ATF7: variants seen among roughly 807,000 people sequenced by gnomAD.
The protein encoded by ATF7 is cyclic AMP-dependent transcription factor ATF-7.
Under a neutral mutation model 50.4 loss-of-function variants are expected in ATF7, and 10 were observed. The ratio of observed to expected loss-of-function variants is 0.20; its 90% CI spans 0.12 to 0.34. The LOEUF (loss-of-function observed/expected upper bound fraction) is 0.34. Among genes scored for constraint, ATF7 ranks in the 10% least tolerant of loss-of-function variants. ATF7 has a pLI of 1.00. For missense variants in ATF7, 465 were observed against 613.9 expected, an observed-to-expected ratio of 0.76 and a Z score of 2.56; for synonymous variants, 201 against 226.4, an observed-to-expected ratio of 0.89 and a Z score of 1.01.
chr12:53,514,031 T>G lies in ATF7; in HGVS notation c.*3106A>C, dbSNP rs187878830. The G allele has an allele frequency of 1.3e-5, 2 of 152,272 alleles. No homozygotes were observed. Among genetic ancestry groups the G allele is most frequent in the East Asian group, 3.9e-4 (2 of 5,188 alleles). The allele number at this position is 152,272 out of a possible 1,614,324, so 9.4% of individuals were successfully genotyped here. On this transcript the variant is annotated 3_prime_UTR_variant, in exon 12 of 12. Transcript: ENST00000420353. The stretch of plus-strand genomic sequence containing the variant: ...AAGGCTAAGGAAGTCAGATTTGAGA[T>G]GCATAACCAGCAGCAAAAGAGTAAG...
intron 1 of ATF7, among the ~76,000 whole-genome samples, chr12:53,620,744 G>A (rs1944347613): frequency 6.7e-6 from 1 of 149,710 alleles, no homozygotes. Context: ...GCGAGACTTC[G>A]TCTCAAAAAA....
At chr12:53,525,324 G>A (rs1938381627) in intron 9 of ATF7, among the ~76,000 whole-genome samples, 1 of 152,194 alleles carries the variant, frequency 6.6e-6, no homozygotes, top group African/African-American at 2.4e-5. Flanking sequence ...TTGCACTCCA[G>A]CCTGGGCAAC....
intron 2 of ATF7, among the ~76,000 whole-genome samples, chr12:53,597,686 G>C (rs1943225049): frequency 1.3e-5 from 2 of 151,982 alleles, no homozygotes; most frequent in South Asian, 4.2e-4. Flanking sequence ...GCGGGTGCCT[G>C]TAGTCCCAGC....
chr12:53,559,722 A>G (rs372488909), intron 2 of ATF7, among the ~76,000 whole-genome samples: 1 of 151,682 alleles, frequency 6.6e-6, no homozygotes, highest in Non-Finnish European at 1.5e-5. Context: ...GTACATCTCA[A>G]TGAATTTTTA....
intron 3 of ATF7, 107 bp from the exon 4 acceptor site, chr12:53,543,555 G>A: frequency 7.9e-7 from 1 of 1,264,472 alleles, no homozygotes; most frequent in South Asian, 1.6e-5. Context: ...TTTGGAGAGA[G>A]AGTCTTTGTG....
intron 6 of ATF7, 72 bp from the exon 7 acceptor site, chr12:53,533,331 G>A (rs912361543): frequency 2.8e-5 from 37 of 1,326,572 alleles, no homozygotes; most frequent in Admixed American, 9.3e-5. Context: ...TATAATTACA[G>A]AAGATTTTCC....
chr12:53,599,610 GC>G (rs1375774525), intron 2 of ATF7, among the ~76,000 whole-genome samples: 1 of 152,002 alleles, frequency 6.6e-6, no homozygotes, highest in Non-Finnish European at 1.5e-5. Context: ...CAAAATTTTA[GC>G]ATTTACTGGA....
intron 1 of ATF7, among the ~76,000 whole-genome samples, chr12:53,620,660 G>A (rs1056628290): frequency 6.6e-6 from 1 of 151,612 alleles, no homozygotes; most frequent in African/African-American, 2.4e-5. Flanking sequence ...GGAAGCTAAG[G>A]CCTGAGAATT....
chr12:53,580,663 C>CAAAAAAAAAAAAA (rs539252431), intron 2 of ATF7, among the ~76,000 whole-genome samples: 1 of 37,698 alleles, frequency 2.7e-5, no homozygotes, highest in Non-Finnish European at 5.9e-5. Context: ...GACTCCATCT[C>CAAAAAAAAAAAAA]AAAAAAAAAA....
At chr12:53,593,708 T>A (rs560823594) in intron 2 of ATF7, among the ~76,000 whole-genome samples, 1 of 152,306 alleles carries the variant, frequency 6.6e-6, no homozygotes, top group South Asian at 2.1e-4. Context: ...AACATCCAGT[T>A]GTGAGTTTGA....
At chr12:53,616,442 CG>C (rs1565604111) in intron 1 of ATF7, among the ~76,000 whole-genome samples, 1 of 151,700 alleles carries the variant, frequency 6.6e-6, no homozygotes, top group African/African-American at 2.4e-5. Flanking sequence ...AGGCTGGTCT[CG>C]AACTCCAAGC....
chr12:53,592,218 A>C (rs1374048627), intron 2 of ATF7, among the ~76,000 whole-genome samples: 2 of 152,236 alleles, frequency 1.3e-5, no homozygotes, highest in Admixed American at 1.3e-4. Flanking sequence ...TGACAATTGC[A>C]AACAGTCCAC....
chr12:53,583,189 G>A (rs1942518238), intron 2 of ATF7, among the ~76,000 whole-genome samples: 1 of 152,262 alleles, frequency 6.6e-6, no homozygotes, highest in South Asian at 2.1e-4. Context: ...GTGAGCAGCA[G>A]GCAAGTGAGT....
intron 2 of ATF7, among the ~76,000 whole-genome samples, chr12:53,566,139 A>G (rs895845371): frequency 6.6e-6 from 1 of 152,204 alleles, no homozygotes; most frequent in Non-Finnish European, 1.5e-5. Context: ...GGTCCCTCCC[A>G]CAATACATGG....
At chr12:53,534,422 C>T (rs1456516918) in intron 6 of ATF7, 80 bp downstream of exon 6, 3 of 1,582,242 alleles carry the variant, frequency 1.9e-6, no homozygotes, top group Middle Eastern at 1.7e-4. Flanking sequence ...TATTGGAAAA[C>T]AGTCCCAGTT....
At chr12:53,603,210 G>A (rs577031932) in intron 1 of ATF7, among the ~76,000 whole-genome samples, 2 of 152,112 alleles carry the variant, frequency 1.3e-5, no homozygotes, top group Admixed American at 1.3e-4. Context: ...CTGAGAAGTG[G>A]GACAGTATTG....
Position 53,533,316 on chromosome 12 carries a change from C to T in ATF7, c.561-57G>A. The T allele has an allele frequency of 6.4e-6, 9 of 1,404,168 alleles. No individual in the cohort carries two copies. In the South Asian group the frequency reaches 1.1e-4, roughly 16 times the overall value. 87.0% of individuals were successfully genotyped at this position (1,404,168 alleles called of 1,614,324 possible). A position where few individuals can be genotyped will look rare whatever the true frequency, so the allele number is the denominator to read the frequency against. On this transcript the variant is annotated intron_variant, in intron 6 of 11. Coordinates refer to ENST00000420353, the MANE Select transcript of ATF7 (RefSeq NM_006856.3). The stretch of plus-strand genomic sequence containing the variant: ...CACAGACCTTTTGTCCATGGATCTT[C>T]CTCTTATAATTACAGAAGATTTTCC...
In ATF7 at chr12:53,515,832, A is replaced by G. The variant is rs1273897073; in HGVS notation, c.*1305T>C. The G allele has an allele frequency of 6.6e-6, 1 of 152,372 alleles. No homozygotes were observed. Among genetic ancestry groups the G allele is most frequent in the Non-Finnish European group, 1.5e-5 (1 of 68,152 alleles). 9.4% of individuals were successfully genotyped at this position (152,372 alleles called of 1,614,324 possible). A position where few individuals can be genotyped will look rare whatever the true frequency, so the allele number is the denominator to read the frequency against. On this transcript the variant is annotated 3_prime_UTR_variant, in exon 12 of 12. Transcript: ENST00000420353. ...GCACTGCATGTAAAGAGAAGAGAGA[A>G]GAAATGGGTTGAAGAAACTCTGGAG...
chr12:53,533,059 G>C, intron 7 of ATF7, 101 bp downstream of exon 7: 1 of 1,059,994 alleles, frequency 9.4e-7, no homozygotes, highest in Non-Finnish European at 1.4e-6. Context: ...ATAGATCAGA[G>C]CCCACATTTC....
Sources: gnomAD v4.1 joint callset for allele counts (sites outside exome capture counted in the v4.1 genomes callset) on GRCh38, gnomAD v4.1.1 for gene constraint, MANE v1.5 for transcripts, NCBI Gene and HGNC (gene_info 2026-07-23, HGNC 2026-07-21) for gene names.